Variants in DOCK2 observed in about 807,000 individuals in gnomAD.
DOCK2 encodes the protein dedicator of cytokinesis protein 2.
DOCK2 carries 87 observed loss-of-function variants against 248.9 expected under a neutral mutation model. The observed-to-expected ratio is 0.35, with a 90% CI of 0.29 to 0.42. The LOEUF (loss-of-function observed/expected upper bound fraction) is 0.42. Ranked by LOEUF, DOCK2 falls within the 10% of genes least tolerant of loss-of-function variation. The probability of loss-of-function intolerance (pLI) is 1.00; values close to 1 mark genes in which losing one functional copy is unlikely to be tolerated. For missense variants in DOCK2, 1,747 were observed against 2,300.2 expected (o/e 0.76, Z 4.92); for synonymous variants, 805 against 821.6 (o/e 0.98, Z 0.35).
intron 23 of DOCK2, among the ~76,000 whole-genome samples, chr5:169,750,303 GA>G (rs951501332): frequency 5.3e-5 from 8 of 152,224 alleles, no homozygotes; most frequent in Non-Finnish European, 1.2e-4. Flanking sequence ...AGAAGGCAGG[GA>G]AAGAAAGAAG....
At chr5:169,970,385 G>A (rs1199025079) in intron 27 of DOCK2, among the ~76,000 whole-genome samples, 1 of 152,230 alleles carries the variant, frequency 6.6e-6, no homozygotes, top group Non-Finnish European at 1.5e-5. Context: ...TTTATCCTGG[G>A]CATCTGGACA....
chr5:169,647,432 A>G (rs1389290432), intron 1 of DOCK2, among the ~76,000 whole-genome samples: 2 of 152,170 alleles, frequency 1.3e-5, no homozygotes, highest in African/African-American at 4.8e-5. Context: ...GTGGCCTTAT[A>G]GGATTCAGAT....
rs187017995 is a variant in DOCK2 at position 169,979,144 on chromosome 5, G to A, written c.2800-3924G>A. The stretch of plus-strand genomic sequence containing the variant: ...TCTTGCTAGCCTGGAGACTGCAAGG[G>A]GTCCCTCCACCCCTCTGTTCCCCAT... On this transcript the variant is annotated intron_variant, in intron 27 of 51. Coordinates refer to ENST00000520908, the MANE Select transcript of DOCK2 (RefSeq NM_004946.3). Among the ~76,000 whole-genome samples the A allele has an allele frequency of 5.9e-3, 902 of 152,256 alleles. 5 individuals carry two copies. The highest frequency in any genetic ancestry group is 0.027 in the South Asian group (132 of 4,820).
chr5:170,027,979 C>G, intron 34 of DOCK2, 31 bp downstream of exon 34: 1 of 1,589,346 alleles, frequency 6.3e-7, no homozygotes, highest in Non-Finnish European at 8.6e-7. Flanking sequence ...GTAGGAACAG[C>G]CTGTGAAGGT....
At chr5:169,739,741 A>G (rs1763215099) in intron 22 of DOCK2, among the ~76,000 whole-genome samples, 1 of 152,228 alleles carries the variant, frequency 6.6e-6, no homozygotes, top group Admixed American at 6.5e-5. Context: ...GGAACAAATG[A>G]TAAAAGAAGT....
At chr5:169,695,707 T>C in intron 9 of DOCK2, 96 bp from the exon 10 acceptor site, 2 of 1,552,874 alleles carry the variant, frequency 1.3e-6, no homozygotes, top group Non-Finnish European at 1.8e-6. Context: ...AAGTATTATA[T>C]ACATCCCTCA....
intron 48 of DOCK2, 45 bp from the exon 49 acceptor site, chr5:170,078,930 G>A: frequency 6.2e-7 from 1 of 1,606,992 alleles, no homozygotes; most frequent in East Asian, 2.2e-5. Flanking sequence ...CAGTTCTACT[G>A]AAGCTCTAAC....
chr5:170,033,495 C>T (rs1357754457), intron 34 of DOCK2, among the ~76,000 whole-genome samples: 1 of 152,214 alleles, frequency 6.6e-6, no homozygotes, highest in Non-Finnish European at 1.5e-5. Context: ...TCCTTGCTGA[C>T]TGTACATGGC....
chr5:170,034,379 C>T lies in DOCK2; in HGVS notation c.3468-20C>T. 1.9e-6 allele frequency: 3 copies of T among 1,613,384 alleles called. No homozygotes were observed. Among genetic ancestry groups the T allele is most frequent in the Non-Finnish European group, 2.5e-6 (3 of 1,179,768 alleles). On this transcript the variant is annotated intron_variant, in intron 34 of 51. Coordinates refer to ENST00000520908, the MANE Select transcript of DOCK2 (RefSeq NM_004946.3). ...TTTCTCCCCAGCCATGAGCTCACTG[C>T]CCTCTGGTCTCTGCCGCAGCCTGAT...
intron 22 of DOCK2, among the ~76,000 whole-genome samples, chr5:169,729,496 A>G (rs547102595): frequency 1.3e-5 from 2 of 152,252 alleles, no homozygotes; most frequent in African/African-American, 4.8e-5. Flanking sequence ...TCTCCCACAT[A>G]CAGGAGAGAC....
At position 169,670,589 on chromosome 5, in the gene DOCK2, G is replaced by C. The variant is rs765859368; in HGVS notation, c.216G>C (p.Glu72Asp). The change falls in exon 4 of 52, where the codon GAG becomes GAC. Residue 72 changes from glutamate (E) to aspartate (D), a missense_variant. Physicochemically the swap from Glu to Asp is conservative, Grantham distance 45. Around this residue, in one of 4 missense-constraint regions of DOCK2, gnomAD observed 375 missense variants for 510.9 expected, o/e 0.73. Coordinates refer to ENST00000520908, the MANE Select transcript of DOCK2 (RefSeq NM_004946.3). ...TCCACATCAAGGAAGTGACAGTTGA[G>C]AAAAGAAGGTATTTGCCATTCTTCA... is the stretch of plus-strand genomic sequence containing the variant. Reference protein sequence around the residue: ...SFIHIKEVTVEKRRNTENIIP... With the variant: ...SFIHIKEVTVDKRRNTENIIP... 4 of 1,613,966 alleles carry C rather than the reference G, an allele frequency of 2.5e-6. No homozygotes were observed. The highest frequency in any genetic ancestry group is 2.7e-5 in the African/African-American group (2 of 74,898).
chr5:169,673,349 G>A (rs1759141723), intron 5 of DOCK2, among the ~76,000 whole-genome samples: 1 of 151,976 alleles, frequency 6.6e-6, no homozygotes. Context: ...AGTTTTAGGA[G>A]CACTGCTTCA....
At chr5:170,008,195 A>C (rs4867909) in intron 30 of DOCK2, among the ~76,000 whole-genome samples, 34,163 of 134,348 alleles carry the variant, frequency 0.25, 4,856 homozygotes, top group East Asian at 0.42. Context: ...ACAAGGACAA[A>C]AACAACAACA....
chr5:169,991,678 C>T (rs577261205), intron 29 of DOCK2, among the ~76,000 whole-genome samples: 1 of 152,186 alleles, frequency 6.6e-6, no homozygotes, highest in Non-Finnish European at 1.5e-5. Context: ...GGACAAAGTG[C>T]GAAGGGCTGC....
chr5:169,659,533 A>G (rs1758328865), intron 2 of DOCK2, among the ~76,000 whole-genome samples: 2 of 152,166 alleles, frequency 1.3e-5, no homozygotes, highest in South Asian at 2.1e-4. Context: ...CCTATGTACT[A>G]AATTTACTCA....
chr5:169,813,359 G>A (rs936843315), intron 26 of DOCK2, among the ~76,000 whole-genome samples: 2 of 152,170 alleles, frequency 1.3e-5, no homozygotes, highest in African/African-American at 4.8e-5. Context: ...TGTCTGTGTG[G>A]TGGAAATACT....
At chr5:169,759,867 A>C (rs1017985891) in intron 24 of DOCK2, 92 bp downstream of exon 24, 85 of 1,418,080 alleles carry the variant, frequency 6.0e-5, no homozygotes, top group Non-Finnish European at 7.7e-5. Flanking sequence ...CCAGATGGGC[A>C]CTCAGCTTGG....
At chr5:169,700,208 C>T in intron 13 of DOCK2, 69 bp downstream of exon 13, 1 of 1,548,964 alleles carries the variant, frequency 6.5e-7, no homozygotes, top group Non-Finnish European at 8.7e-7. Context: ...AATTCATTTT[C>T]CTTCTAAAGA....
intron 2 of DOCK2, among the ~76,000 whole-genome samples, chr5:169,658,557 C>T (rs12655590): frequency 0.22 from 32,420 of 149,916 alleles, 3,744 homozygotes; most frequent in South Asian, 0.32. Context: ...ATTTTAAAAA[C>T]CATATTTTAT....
Sources: gnomAD v4.1 joint callset for allele counts (sites outside exome capture counted in the v4.1 genomes callset) on GRCh38, gnomAD v4.1.1 for gene constraint, gnomAD v4.1.1 regional missense constraint, MANE v1.5 for transcripts, NCBI Gene and HGNC (gene_info 2026-07-23, HGNC 2026-07-21) for gene names.